Variants in THOC2 observed in about 807,000 individuals in gnomAD.
THOC2 encodes THO complex 2.
A neutral mutation model predicts 128.4 loss-of-function variants in THOC2; 10 were observed. That is an observed-to-expected ratio of 0.08 (90% confidence interval 0.05 to 0.13). The LOEUF is 0.13. Among genes scored for constraint, THOC2 ranks in the 10% least tolerant of loss-of-function variants. THOC2 has a pLI of 1.00. For synonymous variants in THOC2, 393 were observed against 396.9 expected, an observed-to-expected ratio of 0.99 and a Z score of 0.12; for missense variants, 535 against 1,155.7, an observed-to-expected ratio of 0.46 and a Z score of 7.79.
chrX:123,704,373 T>C (rs1169429743), intron 3 of THOC2, among the ~76,000 whole-genome samples: 1 of 112,075 alleles, frequency 8.9e-6, no homozygotes, highest in African/African-American at 3.2e-5. Flanking sequence ...AGGAGGTACA[T>C]GTACAGGTTT....
At chrX:123,630,612 CAAAAAAA>C (rs57639724) in intron 22 of THOC2, among the ~76,000 whole-genome samples, 1 of 16,074 alleles carries the variant, frequency 6.2e-5, no homozygotes, top group Non-Finnish European at 1.4e-4. Context: ...GACTCCATCT[CAAAAAAA>C]AAAAAAAAAA....
At chrX:123,635,558 T>C (rs1473849825) in intron 19 of THOC2, among the ~76,000 whole-genome samples, 1 of 111,730 alleles carries the variant, frequency 9.0e-6, no homozygotes, top group Non-Finnish European at 1.9e-5. Context: ...AGCACTGATA[T>C]TGACCCAAAA....
At chrX:123,636,045 T>C (rs751729633) in intron 19 of THOC2, 34 bp downstream of exon 19, 7 of 1,106,254 alleles carry the variant, frequency 6.3e-6, no homozygotes, top group African/African-American at 1.8e-5. Context: ...AAGTACTCTA[T>C]TGAATTTCAT....
chrX:123,708,510 C>CT (rs1269239601), intron 2 of THOC2, among the ~76,000 whole-genome samples: 165 of 102,390 alleles, frequency 1.6e-3, no homozygotes, highest in African/African-American at 2.8e-3. Context: ...GTTTTTTTGG[C>CT]TTTTTTTTTT....
chrX:123,724,756 C>T (rs186140584), intron 1 of THOC2, among the ~76,000 whole-genome samples: 1 of 111,203 alleles, frequency 9.0e-6, no homozygotes, highest in Admixed American at 9.6e-5. Context: ...TTGAAAATGT[C>T]AGGCCAGGCA....
At chrX:123,702,984 T>G (rs972412901) in intron 4 of THOC2, among the ~76,000 whole-genome samples, 1 of 111,783 alleles carries the variant, frequency 8.9e-6, no homozygotes, top group East Asian at 2.8e-4. Flanking sequence ...AAGTTGCTAT[T>G]CCCAAAGCTG....
At chrX:123,638,159 CTCTAA>C (rs2047747170) in intron 17 of THOC2, 36 bp from the exon 18 acceptor site, 1 of 964,978 alleles carries the variant, frequency 1.0e-6, no homozygotes. Context: ...GTCATTACAT[CTCTAA>C]TAAAGACCCT....
In THOC2 at chrX:123,632,977, A is replaced by G. The variant is rs773993599; in HGVS notation, c.2200T>C (p.Leu734=). The G allele has an allele frequency of 1.7e-6, 2 of 1,210,084 alleles. No homozygotes were observed. Among genetic ancestry groups the G allele is most frequent in the Admixed American group, 2.2e-5 (1 of 45,994 alleles). ...KSSQRLKDAL[L]DHDLALPLCL... ...AGAGGAAGGGCAAGATCATGGTCCA[A>G]TAGAGCATCCTTTAATCTCTGAGAG... Residue 734 remains leucine, a synonymous_variant, in exon 21 of 39, where the codon TTG becomes CTG. Transcript: ENST00000245838.
At chrX:123,730,383 G>A (rs1388231572) in intron 1 of THOC2, among the ~76,000 whole-genome samples, 2 of 109,917 alleles carry the variant, frequency 1.8e-5, no homozygotes, top group African/African-American at 6.6e-5. Context: ...TCTCCATGTT[G>A]GTCAGGCTTG....
intron 4 of THOC2, 66 bp from the exon 5 acceptor site, chrX:123,697,817 A>C: frequency 4.1e-6 from 2 of 485,266 alleles, no homozygotes; most frequent in East Asian, 7.9e-5. Context: ...AAAGTAAGAT[A>C]CTTATTTTAT....
At chrX:123,649,333 C>A (rs149652315) in intron 12 of THOC2, among the ~76,000 whole-genome samples, 1 of 111,448 alleles carries the variant, frequency 9.0e-6, no homozygotes, top group Admixed American at 9.6e-5. Flanking sequence ...GTAGATAAAT[C>A]CATGAAGATG....
At chrX:123,717,755 T>G (rs778322291) in intron 1 of THOC2, among the ~76,000 whole-genome samples, 4 of 107,096 alleles carry the variant, frequency 3.7e-5, no homozygotes, top group Admixed American at 1.0e-4. Flanking sequence ...AGCTAAAGTA[T>G]CACACTATTT....
At chrX:123,676,782 G>C (rs1246626589) in intron 8 of THOC2, among the ~76,000 whole-genome samples, 2 of 111,174 alleles carry the variant, frequency 1.8e-5, no homozygotes, top group Admixed American at 1.9e-4. Context: ...GTAGCCTCTT[G>C]GTTCTCCTGA....
chrX:123,620,205 G>A (rs1354611038), intron 32 of THOC2: 1 of 111,511 alleles, frequency 9.0e-6, no homozygotes, highest in Non-Finnish European at 1.9e-5. Flanking sequence ...CTTCAAGAAG[G>A]CTACACCCAC....
intron 15 of THOC2, among the ~76,000 whole-genome samples, chrX:123,642,638 G>A (rs1346150934): frequency 5.5e-5 from 6 of 108,709 alleles, no homozygotes; most frequent in Non-Finnish European, 7.6e-5. Context: ...TAACTCCAGC[G>A]CTGGGAGGTC....
At chrX:123,631,982 T>C (rs2047500585) in intron 21 of THOC2, 130 bp from the exon 22 acceptor site, 7 of 589,460 alleles carry the variant, frequency 1.2e-5, no homozygotes, top group Non-Finnish European at 1.8e-5. Flanking sequence ...TCTACAAGTA[T>C]AACCACATGA....
At chrX:123,728,524 G>A (rs1269737382) in intron 1 of THOC2, among the ~76,000 whole-genome samples, 1 of 111,371 alleles carries the variant, frequency 9.0e-6, no homozygotes, top group Non-Finnish European at 1.9e-5. Flanking sequence ...AAAGGTTTCA[G>A]ATAAAGCTTT....
intron 26 of THOC2, 32 bp downstream of exon 26, chrX:123,624,509 G>A (rs769687046): frequency 8.5e-7 from 1 of 1,181,639 alleles, no homozygotes; most frequent in Admixed American, 2.3e-5. Flanking sequence ...TTATATACAT[G>A]GGTAAAATAT....
chrX:123,631,937 C>T (rs1026034594), intron 21 of THOC2, 85 bp from the exon 22 acceptor site: 2 of 917,920 alleles, frequency 2.2e-6, no homozygotes, highest in Non-Finnish European at 3.0e-6. Flanking sequence ...AATTAAGAAT[C>T]CAAATTTTAT....
Sources: gnomAD v4.1 joint callset for allele counts (sites outside exome capture counted in the v4.1 genomes callset) on GRCh38, gnomAD v4.1.1 for gene constraint, MANE v1.5 for transcripts, NCBI Gene and HGNC (gene_info 2026-07-23, HGNC 2026-07-21) for gene names.